The following ADAMTS13 variants were observed in gnomAD, a reference collection of about 807,000 sequenced individuals.
ADAMTS13 encodes the protein A disintegrin and metalloproteinase with thrombospondin motifs 13.
ADAMTS13 carries 110 observed loss-of-function variants against 155.1 expected under a neutral mutation model. That is an observed-to-expected ratio of 0.71 (90% CI 0.61 to 0.83). The LOEUF is 0.83. Among genes scored for constraint, ADAMTS13 ranks in the 40% least tolerant of loss-of-function variants. The pLI, the probability that ADAMTS13 is intolerant of heterozygous loss-of-function variation, is 0.00. For synonymous variants in ADAMTS13, 758 were observed against 756.4 expected (o/e 1.00, Z -0.03); for missense variants, 1,707 against 1,891.7 (o/e 0.90, Z 1.81).
At chr9:133,432,737 C>A in intron 9 of ADAMTS13, 45 bp downstream of exon 9, 2 of 1,532,734 alleles carry the variant, frequency 1.3e-6, no homozygotes, top group Middle Eastern at 1.7e-4. Context: ...AGCACGTGCA[C>A]GTGGGTGCCT....
Position 133,425,696 on chromosome 9 carries a change from C to A in ADAMTS13, c.414+84C>A. The A allele has an allele frequency of 1.3e-6, 2 of 1,486,306 alleles. No homozygotes were observed. The highest frequency in any genetic ancestry group is 1.8e-6 in the Non-Finnish European group (2 of 1,085,572). The allele number at this position is 1,486,306 out of a possible 1,614,324, so 92.1% of individuals were successfully genotyped here. On this transcript the variant is annotated intron_variant, in intron 4 of 28. Transcript: ENST00000355699. This position sits in a 1 kb window ranked among gnomAD's most constrained non-coding sequence, Gnocchi z 4.6. ...TCTCCATCCTCTTTAACCTCTTGTC[C>A]CGGATGCCCCAAGCAGCATGGATCA...
chr9:133,422,934 CTTTTT>C (rs71281254), intron 1 of ADAMTS13, among the ~76,000 whole-genome samples, 162 bp from the exon 2 acceptor site: 102 of 93,228 alleles, frequency 1.1e-3, no homozygotes, highest in African/African-American at 2.5e-3. Flanking sequence ...CTCTCTCTCT[CTTTTT>C]TTTTTTTTTT....
At chr9:133,458,840 A>C in intron 28 of ADAMTS13, 134 bp from the exon 29 acceptor site, 1 of 825,936 alleles carries the variant, frequency 1.2e-6, no homozygotes, top group Non-Finnish European at 2.0e-6. Flanking sequence ...TGGGTAGAGT[A>C]ATGGCGTATT....
In ADAMTS13 at chr9:133,432,710, A is replaced by G. The variant is rs782351134; in HGVS notation, c.1092+18A>G. On this transcript the variant is annotated intron_variant, in intron 9 of 28. Coordinates refer to ENST00000355699, the MANE Select transcript of ADAMTS13 (RefSeq NM_139027.6). ...TGGAGAAGGTCAGAGCCAAGAGTGA[A>G]TGAGTGGGCTCCTGTGAGCACGTGC... is the stretch of plus-strand genomic sequence containing the variant. 1 of 1,550,310 alleles carries G rather than the reference A, an allele frequency of 6.5e-7. No individual in the cohort carries two copies. The highest frequency in any genetic ancestry group is 1.2e-5 in the South Asian group (1 of 84,242).
At chr9:133,426,086 C>T (rs376621182) in intron 5 of ADAMTS13, 24 bp downstream of exon 5, 112 of 1,613,842 alleles carry the variant, frequency 6.9e-5, no homozygotes, top group Non-Finnish European at 9.1e-5. Flanking sequence ...CTGATGGGTG[C>T]TGGCCAGCCA....
At chr9:133,438,639 G>A (rs1025748837) in intron 14 of ADAMTS13, among the ~76,000 whole-genome samples, 5 of 152,122 alleles carry the variant, frequency 3.3e-5, no homozygotes, top group Non-Finnish European at 5.9e-5. Flanking sequence ...CATTGGCCGG[G>A]CGCTGTGCTC....
chr9:133,418,126 G>C, upstream of ADAMTS13: 1 of 481,730 alleles, frequency 2.1e-6, no homozygotes, highest in South Asian at 2.7e-5. Flanking sequence ...ACGGGACTTG[G>C]GCCGCCGCCT....
At position 133,425,744 on chromosome 9, in the gene ADAMTS13, AC is replaced by A; in HGVS notation, c.414+134del. The A allele has an allele frequency of 7.2e-7, 1 of 1,386,956 alleles. No individual in the cohort carries two copies. The highest frequency in any genetic ancestry group is 1.0e-6 in the Non-Finnish European group (1 of 1,004,590). 85.9% of individuals were successfully genotyped at this position (1,386,956 alleles called of 1,614,324 possible). A position where few individuals can be genotyped will look rare whatever the true frequency, so the allele number is the denominator to read the frequency against. On this transcript the variant is annotated intron_variant, in intron 4 of 28. Coordinates refer to ENST00000355699, the MANE Select transcript of ADAMTS13 (RefSeq NM_139027.6). This position sits in a 1 kb window ranked among gnomAD's most constrained non-coding sequence, Gnocchi z 4.6. Reference sequence around the variant, plus strand: ...TCACAGAATGCATTCAGCCAGACAGACCAGCTGCCCTCCCAGCTCTACCCAG... The same window carrying A: ...TCACAGAATGCATTCAGCCAGACAGACAGCTGCCCTCCCAGCTCTACCCAG...
chr9:133,442,643 G>C lies in ADAMTS13; in HGVS notation c.2134G>C (p.Asp712His), dbSNP rs781993713. ...GCGCTGGGTAAACTACAGCTGCCTG[G>C]ACCAGGCCAGGAAGGAGTTGGTGGA... ...GLRWVNYSCL[D>H]QARKELVETV... is the part of the protein sequence containing the mutation. The change falls in exon 18 of 29, where the codon GAC (aspartate) becomes CAC (histidine). Residue 712 changes from aspartate (D) to histidine (H), a missense_variant. Physicochemically the swap from Asp to His is moderately conservative, Grantham distance 81. Coordinates refer to ENST00000355699, the MANE Select transcript of ADAMTS13 (RefSeq NM_139027.6). 1.2e-6 allele frequency: 2 copies of C among 1,613,138 alleles called. No homozygotes were observed.
chr9:133,429,634 C>T (rs1554786453), intron 7 of ADAMTS13: 3 of 568,788 alleles, frequency 5.3e-6, no homozygotes, highest in East Asian at 3.5e-5. Context: ...ACATGTATCC[C>T]TGCGTCCCCT....
intron 24 of ADAMTS13, 111 bp downstream of exon 24, chr9:133,454,730 G>A (rs1554795247): frequency 1.5e-6 from 2 of 1,350,928 alleles, no homozygotes; most frequent in Non-Finnish European, 2.0e-6. Flanking sequence ...CCCCTGAAAG[G>A]AAGGAGAGAG....
In ADAMTS13 at chr9:133,437,751, G is replaced by C; in HGVS notation, c.1438G>C (p.Asp480His). The change falls in exon 13 of 29, where the codon GAT becomes CAT. Residue 480 changes from aspartate to histidine, a missense_variant and splice_region_variant. Physicochemically the swap from Asp to His is moderately conservative, Grantham distance 81. Coordinates refer to ENST00000355699, the MANE Select transcript of ADAMTS13 (RefSeq NM_139027.6). ...CCTTTTTCACTCTGCCCTCCCAGGG[G>C]ATGCTCTGTGCAGACACATGTGCCG... ...WGAAVPHSQGDALCRHMCRAI... is the reference protein window; with the variant it reads ...WGAAVPHSQGHALCRHMCRAI... 1.2e-6 allele frequency: 2 copies of C among 1,613,862 alleles called. No homozygotes were observed. Among genetic ancestry groups the C allele is most frequent in the Non-Finnish European group, 1.7e-6 (2 of 1,180,044 alleles).
chr9:133,435,931 C>T (rs976401246), intron 11 of ADAMTS13, among the ~76,000 whole-genome samples: 19 of 152,070 alleles, frequency 1.2e-4, no homozygotes, highest in Non-Finnish European at 1.0e-4. Context: ...TCCCCACATC[C>T]GCTGCAGCAC....
intron 28 of ADAMTS13, 31 bp from the exon 29 acceptor site, chr9:133,458,943 C>G: frequency 6.3e-7 from 1 of 1,594,128 alleles, no homozygotes; most frequent in East Asian, 2.2e-5. Flanking sequence ...TACTTGTGGC[C>G]GGTCCTTCTG....
rs782061756 is a variant in ADAMTS13 at position 133,443,545 on chromosome 9, C to A, written c.2404C>A (p.Gln802Lys). The part of the protein sequence containing the change: ...PAVALETCNP[Q>K]PCPARWEVSE... ...TGTGGCGCTGGAAACCTGCAACCCC[C>A]AGCCCTGCCCTGCCAGGTGAGCCCA... The change falls in exon 19 of 29, where the codon CAG (glutamine) becomes AAG (lysine). Residue 802 changes from glutamine (Q) to lysine (K), a missense_variant. Transcript: ENST00000355699. 1 of 1,558,154 alleles carries A rather than the reference C, an allele frequency of 6.4e-7. No individual in the cohort carries two copies. Among genetic ancestry groups the A allele is most frequent in the South Asian group, 1.2e-5 (1 of 85,292 alleles).
intron 11 of ADAMTS13, among the ~76,000 whole-genome samples, chr9:133,435,795 G>C (rs1841157178): frequency 6.6e-6 from 1 of 151,760 alleles, no homozygotes; most frequent in East Asian, 1.9e-4. Context: ...GCCTCCCAAA[G>C]GGCTGAGATC....
chr9:133,426,134 C>T, intron 5 of ADAMTS13, 65 bp from the exon 6 acceptor site: 1 of 1,613,974 alleles, frequency 6.2e-7, no homozygotes, highest in Non-Finnish European at 8.5e-7. Flanking sequence ...CTGCCCTCTG[C>T]AAAGGTGACC....
intron 28 of ADAMTS13, 119 bp downstream of exon 28, chr9:133,458,213 G>C (rs1485241410): frequency 8.1e-7 from 1 of 1,227,910 alleles, no homozygotes; most frequent in Non-Finnish European, 1.1e-6. Context: ...ATTAGTGAAA[G>C]AATGGGAGAA....
intron 9 of ADAMTS13, among the ~76,000 whole-genome samples, chr9:133,433,129 C>T (rs1840896529): frequency 8.3e-6 from 1 of 120,414 alleles, no homozygotes; most frequent in African/African-American, 3.4e-5. Flanking sequence ...TTGGAGGATC[C>T]CTGTGGGTCT....
Sources: gnomAD v4.1 joint callset for allele counts (sites outside exome capture counted in the v4.1 genomes callset) on GRCh38, gnomAD v4.1.1 for gene constraint, Gnocchi (gnomAD v3.1) non-coding constraint, MANE v1.5 for transcripts, NCBI Gene and HGNC (gene_info 2026-07-23, HGNC 2026-07-21) for gene names.